Variants in METTL24 observed in about 807,000 individuals in gnomAD.
METTL24 encodes probable methyltransferase-like protein 24.
A neutral mutation model predicts 32.7 loss-of-function variants in METTL24; 29 were observed. The observed-to-expected ratio is 0.89, with a 90% CI of 0.66 to 1.21. The LOEUF is 1.21. METTL24 is among the 50% of genes most tolerant of loss of function. The pLI is 0.00. For synonymous variants in METTL24, 163 were observed against 179.5 expected (o/e 0.91, Z 0.73); for missense variants, 439 against 468.1 (o/e 0.94, Z 0.57).
At chr6:110,337,711 C>T (rs1361884495) in intron 1 of METTL24, among the ~76,000 whole-genome samples, 1 of 152,198 alleles carries the variant, frequency 6.6e-6, no homozygotes, top group Non-Finnish European at 1.5e-5. Context: ...TACTTTTCCT[C>T]CTGCCCAGAA....
At chr6:110,254,354 A>G (rs1198654668) in intron 4 of METTL24, 2 of 152,878 alleles carry the variant, frequency 1.3e-5, no homozygotes, top group Non-Finnish European at 1.5e-5. Context: ...TGAATTATCA[A>G]CCAGGCGTGG....
At chr6:110,273,944 T>G (rs1770999614) in intron 4 of METTL24, among the ~76,000 whole-genome samples, 2 of 152,212 alleles carry the variant, frequency 1.3e-5, no homozygotes, top group African/African-American at 4.8e-5. Flanking sequence ...AGCAGCACAA[T>G]TCGCAACTGT....
chr6:110,334,634 A>T (rs2114764990), intron 1 of METTL24, among the ~76,000 whole-genome samples: 1 of 152,356 alleles, frequency 6.6e-6, no homozygotes, highest in East Asian at 1.9e-4. Context: ...CACACCATTT[A>T]TCACATGGTT....
chr6:110,256,335 G>T (rs969517921), intron 4 of METTL24, among the ~76,000 whole-genome samples: 7 of 152,110 alleles, frequency 4.6e-5, no homozygotes. Flanking sequence ...TAAGATATGA[G>T]TCCCAGTGCT....
intron 4 of METTL24, among the ~76,000 whole-genome samples, chr6:110,256,920 G>A (rs1396753160): frequency 3.3e-5 from 5 of 151,944 alleles, no homozygotes; most frequent in Non-Finnish European, 7.4e-5. Flanking sequence ...CTTCCTTCTT[G>A]TGGAACACCA....
intron 1 of METTL24, among the ~76,000 whole-genome samples, chr6:110,332,909 GA>G (rs777935788): frequency 2.4e-3 from 279 of 118,626 alleles, no homozygotes; most frequent in Middle Eastern, 8.7e-3. Flanking sequence ...AACATTTATC[GA>G]AAAAAAAAAA....
At chr6:110,274,101 T>C (rs924455448) in intron 4 of METTL24, among the ~76,000 whole-genome samples, 15 of 152,164 alleles carry the variant, frequency 9.9e-5, no homozygotes, top group Non-Finnish European at 4.4e-5. Context: ...GAGCCTTTTG[T>C]TTTGTTTTTG....
chr6:110,358,243 GC>G lies in METTL24; in HGVS notation c.29del (p.Gly10AlafsTer64). 6.7e-7 allele frequency: 1 copy of G among 1,485,634 alleles called. No homozygotes were observed. The highest frequency in any genetic ancestry group is 2.2e-5 in the Admixed American group (1 of 45,406). 92.0% of individuals were successfully genotyped at this position (1,485,634 alleles called of 1,614,324 possible). ...GTAGACACCGGCGCAGGACGCCGCA[GC>G]CCCTCCCGGGCGGCCTCTCCCGGGC... MARERPPGR[G>X]CGVLRRCLLG... On this transcript the variant is annotated frameshift_variant, in exon 1 of 5. Transcript: ENST00000338882. LOFTEE classifies it high-confidence loss of function.
chr6:110,284,914 T>C (rs1227582973), intron 4 of METTL24, among the ~76,000 whole-genome samples: 3 of 152,242 alleles, frequency 2.0e-5, no homozygotes, highest in Non-Finnish European at 4.4e-5. Context: ...CACTTAACAC[T>C]GCAGAAGACA....
chr6:110,356,070 G>T (rs528311842), intron 1 of METTL24, among the ~76,000 whole-genome samples: 101 of 151,782 alleles, frequency 6.7e-4, no homozygotes, highest in Middle Eastern at 3.4e-3. Context: ...AAGGAAAACT[G>T]CAGGGAGGGG....
intron 3 of METTL24, among the ~76,000 whole-genome samples, chr6:110,302,583 GTGTATATATACACATATACACACACATA>G (rs1771547784): frequency 1.4e-5 from 1 of 73,064 alleles, no homozygotes; most frequent in Admixed American, 1.3e-4. Flanking sequence ...ACACACATAT[GTGTATATATACACATATACACACACATA>G]TGTGTATATA....
intron 4 of METTL24, among the ~76,000 whole-genome samples, chr6:110,266,105 A>G (rs1770853618): frequency 6.6e-6 from 1 of 151,910 alleles, no homozygotes; most frequent in Admixed American, 6.6e-5. Flanking sequence ...GGGTCTTATT[A>G]TATTACCCAA....
Position 110,344,257 on chromosome 6 carries a change from A to G in METTL24, c.318+13698T>C, listed in dbSNP as rs115511515. 2.4e-3 allele frequency among the ~76,000 whole-genome samples: 363 copies of G among 152,248 alleles called. 1 individual carries two copies. The highest frequency in any genetic ancestry group is 4.3e-3 in the African/African-American group (179 of 41,554). Reference sequence around the variant, plus strand: ...AGTCCCAAAACATTCTCAGTGCCCTATGGAAGTCAAGGACTGTTCTCATGC... The same window carrying G: ...AGTCCCAAAACATTCTCAGTGCCCTGTGGAAGTCAAGGACTGTTCTCATGC... On this transcript the variant is annotated intron_variant, in intron 1 of 4. Coordinates refer to ENST00000338882, the MANE Select transcript of METTL24 (RefSeq NM_001123364.3).
intron 4 of METTL24, among the ~76,000 whole-genome samples, chr6:110,261,248 G>C (rs1016378834): frequency 4.6e-5 from 7 of 152,084 alleles, no homozygotes; most frequent in African/African-American, 1.7e-4. Context: ...ACACATATAG[G>C]CTCAAAATAA....
intron 1 of METTL24, among the ~76,000 whole-genome samples, chr6:110,325,466 G>C (rs1263359784): frequency 6.6e-6 from 1 of 152,192 alleles, no homozygotes; most frequent in South Asian, 2.1e-4. Flanking sequence ...GCAAGCTGTA[G>C]TTTGCTGACT....
intron 1 of METTL24, among the ~76,000 whole-genome samples, chr6:110,326,266 G>A (rs78516349): frequency 0.023 from 3,542 of 152,200 alleles, 148 homozygotes; most frequent in African/African-American, 0.08. Context: ...GGGGTTCCCC[G>A]CTCAGTCTAT....
At chr6:110,334,718 A>G (rs1238655355) in intron 1 of METTL24, among the ~76,000 whole-genome samples, 1 of 152,226 alleles carries the variant, frequency 6.6e-6, no homozygotes, top group Non-Finnish European at 1.5e-5. Flanking sequence ...GTAACCGTGC[A>G]GGTATACATA....
intron 1 of METTL24, chr6:110,332,533 A>C: frequency 1.0e-6 from 1 of 971,010 alleles, no homozygotes; most frequent in Non-Finnish European, 1.2e-6. Flanking sequence ...TTCAGATGTC[A>C]AATTATGGGT....
intron 1 of METTL24, among the ~76,000 whole-genome samples, chr6:110,333,006 C>G (rs1000436361): frequency 6.6e-6 from 1 of 152,074 alleles, no homozygotes; most frequent in Non-Finnish European, 1.5e-5. Context: ...TCTGCCTCTT[C>G]TTGTCTCTGT....
Sources: gnomAD v4.1 joint callset for allele counts (sites outside exome capture counted in the v4.1 genomes callset) on GRCh38, gnomAD v4.1.1 for gene constraint, MANE v1.5 for transcripts, NCBI Gene and HGNC (gene_info 2026-07-23, HGNC 2026-07-21) for gene names.